Variants in ARF4 observed in about 807,000 individuals in gnomAD.
ARF4 encodes the protein ADP-ribosylation factor 4.
ARF4 carries 5 observed loss-of-function variants against 24.3 expected under a neutral mutation model. The observed-to-expected ratio is 0.21, with a 90% confidence interval of 0.11 to 0.43. The LOEUF (loss-of-function observed/expected upper bound fraction) is 0.43, where lower values mean the gene tolerates loss of function less well. Ranked by LOEUF, ARF4 falls within the 20% of genes least tolerant of loss-of-function variation. The pLI, the probability that ARF4 is intolerant of heterozygous loss-of-function variation, is 1.00. For synonymous variants in ARF4, 62 were observed against 73.5 expected (o/e 0.84, Z 0.80); for missense variants, 107 against 213.0 (o/e 0.50, Z 3.10).
chr3:57,591,094 A>G (rs988804578), intron 1 of ARF4, among the ~76,000 whole-genome samples: 10 of 152,200 alleles, frequency 6.6e-5, no homozygotes, highest in Admixed American at 5.9e-4. Flanking sequence ...AGTCTTGCAG[A>G]AAAATTAGAA....
intron 1 of ARF4, 168 bp downstream of exon 1, chr3:57,596,906 C>T (rs911206854): frequency 3.1e-6 from 2 of 654,370 alleles, no homozygotes; most frequent in Admixed American, 5.8e-5. Flanking sequence ...CGGGGGGGAT[C>T]GCTCACCCTC....
chr3:57,576,572 A>G (rs1263312518), intron 4 of ARF4, among the ~76,000 whole-genome samples: 1 of 150,342 alleles, frequency 6.7e-6, no homozygotes, highest in East Asian at 2.0e-4. Flanking sequence ...AAATCCAACA[A>G]TGACTTAGTT....
At chr3:57,578,627 G>A (rs1041973819) in intron 3 of ARF4, among the ~76,000 whole-genome samples, 5 of 151,972 alleles carry the variant, frequency 3.3e-5, no homozygotes, top group African/African-American at 9.6e-5. Flanking sequence ...CTACAGGTGC[G>A]TGCCACCACA....
chr3:57,571,898 TTGTC>T lies in ARF4; in HGVS notation c.*310_*313del. 1 of 239,562 alleles carries T rather than the reference TTGTC, an allele frequency of 4.2e-6. No homozygotes were observed. The allele number at this position is 239,562 out of a possible 1,614,324, so 14.8% of individuals were successfully genotyped here. A position where few individuals can be genotyped will look rare whatever the true frequency, so the allele number is the denominator to read the frequency against. On this transcript the variant is annotated 3_prime_UTR_variant, in exon 6 of 6. Transcript: ENST00000303436. Reference sequence around the variant, plus strand: ...CAAGGGGATAACTTTAAAACATTATTTGTCTGGGGCTCAAAAAACACTCAAAACA... The same window carrying T: ...CAAGGGGATAACTTTAAAACATTATTTGGGGCTCAAAAAACACTCAAAACA...
At chr3:57,592,165 C>G (rs2070123795) in intron 1 of ARF4, among the ~76,000 whole-genome samples, 1 of 152,018 alleles carries the variant, frequency 6.6e-6, no homozygotes, top group African/African-American at 2.4e-5. Context: ...TGCCATCCTG[C>G]CTTTAGGTTT....
chr3:57,572,708 A>G (rs556640903), intron 5 of ARF4, among the ~76,000 whole-genome samples: 1 of 152,030 alleles, frequency 6.6e-6, no homozygotes, highest in Non-Finnish European at 1.5e-5. Context: ...TATTCATTAT[A>G]TTTAGACAAG....
Position 57,572,301 on chromosome 3 carries a change from G to A in ARF4, c.457-3C>T. ...GCACAAGTGGCTTGAACATACCACT[G>A]TAAAGAGAAGACAAGAAAATACTTG... On this transcript the variant is annotated splice_polypyrimidine_tract_variant and splice_region_variant and intron_variant, in intron 5 of 5. Coordinates refer to ENST00000303436, the MANE Select transcript of ARF4 (RefSeq NM_001660.4). The A allele has an allele frequency of 6.2e-7, 1 of 1,606,052 alleles. No homozygotes were observed. Among genetic ancestry groups the A allele is most frequent in the Non-Finnish European group, 8.5e-7 (1 of 1,173,546 alleles).
At chr3:57,594,128 C>G (rs775902550) in intron 1 of ARF4, among the ~76,000 whole-genome samples, 1 of 151,854 alleles carries the variant, frequency 6.6e-6, no homozygotes, top group East Asian at 1.9e-4. Context: ...TGGTGGCGGG[C>G]GCTTGTAATC....
chr3:57,582,112 G>A (rs891807438), intron 3 of ARF4, among the ~76,000 whole-genome samples: 2 of 152,074 alleles, frequency 1.3e-5, no homozygotes, highest in Admixed American at 6.6e-5. Context: ...AGTGGTTTCT[G>A]GTCCCAAGAA....
At chr3:57,577,470 A>G (rs2069920178) in intron 3 of ARF4, 83 bp from the exon 4 acceptor site, 3 of 1,007,290 alleles carry the variant, frequency 3.0e-6, no homozygotes, top group Non-Finnish European at 4.6e-6. Flanking sequence ...AATGGTACCA[A>G]TGGTTAGACA....
intron 1 of ARF4, among the ~76,000 whole-genome samples, chr3:57,584,764 T>G (rs1026369384): frequency 1.3e-5 from 2 of 151,942 alleles, no homozygotes; most frequent in Non-Finnish European, 2.9e-5. Flanking sequence ...TTTAGGACAC[T>G]GAGACCAGAG....
intron 1 of ARF4, among the ~76,000 whole-genome samples, chr3:57,595,264 A>T (rs1050519555): frequency 6.6e-6 from 1 of 152,220 alleles, no homozygotes; most frequent in Non-Finnish European, 1.5e-5. Flanking sequence ...CATTTACAAT[A>T]AATCTTAAGT....
In ARF4 at chr3:57,597,223, AC is replaced by A; in HGVS notation, c.-84del. Reference sequence around the variant, plus strand: ...TTTCTCCTTTCAAGCTCCCAGGCAAACTAAACGAGAGGGAAGAGAAAGAGCG... The same window carrying A: ...TTTCTCCTTTCAAGCTCCCAGGCAAATAAACGAGAGGGAAGAGAAAGAGCG... On this transcript the variant is annotated 5_prime_UTR_variant, in exon 1 of 6. Transcript: ENST00000303436. The A allele has an allele frequency of 7.5e-7, 1 of 1,339,902 alleles. No homozygotes were observed. The highest frequency in any genetic ancestry group is 1.1e-6 in the Non-Finnish European group (1 of 946,640). 83.0% of individuals were successfully genotyped at this position (1,339,902 alleles called of 1,614,324 possible). A position where few individuals can be genotyped will look rare whatever the true frequency, so the allele number is the denominator to read the frequency against.
At chr3:57,591,560 G>A (rs527831148) in intron 1 of ARF4, among the ~76,000 whole-genome samples, 49 of 151,042 alleles carry the variant, frequency 3.2e-4, no homozygotes, top group African/African-American at 1.1e-3. Context: ...TCCACCTCCC[G>A]GGTTCAAGGG....
At chr3:57,576,139 C>CA (rs972574674) in intron 4 of ARF4, among the ~76,000 whole-genome samples, 20 of 149,658 alleles carry the variant, frequency 1.3e-4, no homozygotes, top group Admixed American at 6.6e-4. Context: ...ATGAAATATA[C>CA]AAAAAAAAAG....
At chr3:57,573,330 C>A (rs2069863223) in intron 5 of ARF4, among the ~76,000 whole-genome samples, 3 of 152,050 alleles carry the variant, frequency 2.0e-5, no homozygotes, top group African/African-American at 7.2e-5. Context: ...GGCAACGAAT[C>A]TTATCTCTAG....
rs550115880 is a variant in ARF4 at position 57,591,735 on chromosome 3, G to A, written c.67+5339C>T. Among the ~76,000 whole-genome samples, 76 of 152,198 alleles carry A rather than the reference G, an allele frequency of 5.0e-4. 1 individual carries two copies. Among genetic ancestry groups the A allele is most frequent in the African/African-American group, 1.7e-3 (69 of 41,526 alleles). Reference sequence around the variant, plus strand: ...CCGCCTCAGCCTCCCAAAGTGCTGGGATTACAGGCGTGAGCCACCGCGCCC... The same window carrying A: ...CCGCCTCAGCCTCCCAAAGTGCTGGAATTACAGGCGTGAGCCACCGCGCCC... On this transcript the variant is annotated intron_variant, in intron 1 of 5. Transcript: ENST00000303436.
At chr3:57,590,078 AGACTCT>A (rs2070090425) in intron 1 of ARF4, among the ~76,000 whole-genome samples, 1 of 147,270 alleles carries the variant, frequency 6.8e-6, no homozygotes, top group South Asian at 2.1e-4. Context: ...CAACAGACCA[AGACTCT>A]GTCTCAATAA....
At chr3:57,591,853 G>C (rs909324180) in intron 1 of ARF4, among the ~76,000 whole-genome samples, 1 of 152,102 alleles carries the variant, frequency 6.6e-6, no homozygotes, top group Non-Finnish European at 1.5e-5. Flanking sequence ...TGAAGTGTCC[G>C]GAATAGATTA....
Sources: allele counts gnomAD v4.1 joint callset (sites outside exome capture counted in the v4.1 genomes callset), GRCh38; gene constraint gnomAD v4.1.1; transcripts MANE v1.5; gene names NCBI Gene and HGNC (gene_info 2026-07-23, HGNC 2026-07-21).